Variants in TBC1D5 observed in about 807,000 individuals in gnomAD.
The protein encoded by TBC1D5 is TBC1 domain family, member 5.
In TBC1D5, 75 loss-of-function variants were observed where a neutral mutation model predicts 100.3. The ratio of observed to expected loss-of-function variants is 0.75; its 90% confidence interval spans 0.62 to 0.91. The LOEUF (loss-of-function observed/expected upper bound fraction) is 0.91. TBC1D5 is among the 40% of genes least tolerant of loss of function. The pLI is 0.00. For synonymous variants in TBC1D5, 323 were observed against 325.6 expected (o/e 0.99, Z 0.09); for missense variants, 910 against 942.4 (o/e 0.97, Z 0.45).
At chr3:17,308,606 T>C (rs1457215573) in intron 13 of TBC1D5, among the ~76,000 whole-genome samples, 1 of 152,202 alleles carries the variant, frequency 6.6e-6, no homozygotes, top group African/African-American at 2.4e-5. Flanking sequence ...ATCTCACTTC[T>C]ATTTAAAATA....
chr3:17,274,177 C>T (rs1358142970), intron 15 of TBC1D5, among the ~76,000 whole-genome samples: 1 of 152,096 alleles, frequency 6.6e-6, no homozygotes, highest in African/African-American at 2.4e-5. Flanking sequence ...GGTAAAAACA[C>T]ATTAAATCCT....
In TBC1D5 at chr3:17,272,246, C is replaced by G. The variant is rs928455262; in HGVS notation, c.1246-13655G>C. Among the ~76,000 whole-genome samples, 7 of 152,124 alleles carry G rather than the reference C, an allele frequency of 4.6e-5. No individual in the cohort carries two copies. The Middle Eastern group carries it at 0.01, about 222-fold the overall frequency. Reference sequence around the variant, plus strand: ...GAATCTTCAAACTTTATGTGTTATACAAGTATATAAAAAGCAATAGACAAT... The same window carrying G: ...GAATCTTCAAACTTTATGTGTTATAGAAGTATATAAAAAGCAATAGACAAT... On this transcript the variant is annotated intron_variant, in intron 15 of 21. Transcript: ENST00000253692.
chr3:17,402,700 T>C (rs73156385), intron 8 of TBC1D5, among the ~76,000 whole-genome samples: 14,914 of 152,122 alleles, frequency 0.098, 1,695 homozygotes, highest in African/African-American at 0.28. Flanking sequence ...TACCCTTTTA[T>C]ATAGTAAATA....
chr3:17,601,696 A>G (rs2060956353), intron 2 of TBC1D5, among the ~76,000 whole-genome samples: 2 of 152,314 alleles, frequency 1.3e-5, no homozygotes, highest in South Asian at 4.1e-4. Context: ...ATTTCATTTA[A>G]TTCCCATACA....
rs187123029 is a variant in TBC1D5 at position 17,590,372 on chromosome 3, T to C, written c.-36+33477A>G. Among the ~76,000 whole-genome samples the C allele has an allele frequency of 6.6e-5, 10 of 152,264 alleles. No homozygotes were observed. In the East Asian group the frequency reaches 1.3e-3, roughly 21 times the overall value. The stretch of plus-strand genomic sequence containing the variant: ...AAACAGGTTCTAGTGGTTTATTTGC[T>C]TGGTTGGCTGAAATACGGATTAAAA... On this transcript the variant is annotated intron_variant, in intron 2 of 21. Coordinates refer to ENST00000253692, the Ensembl canonical transcript of TBC1D5.
At chr3:17,174,608 T>TG (rs1553601804) in intron 19 of TBC1D5, among the ~76,000 whole-genome samples, 2 of 151,738 alleles carry the variant, frequency 1.3e-5, no homozygotes, top group East Asian at 1.9e-4. Flanking sequence ...TTGTTGTTGT[T>TG]TTTGAGACAG....
chr3:17,485,213 A>G (rs565406140), intron 3 of TBC1D5, among the ~76,000 whole-genome samples: 3 of 152,186 alleles, frequency 2.0e-5, no homozygotes, highest in African/African-American at 7.2e-5. Context: ...TCCTCTGTTT[A>G]TATGCCTGAA....
intron 13 of TBC1D5, among the ~76,000 whole-genome samples, chr3:17,342,872 C>T (rs1005776012): frequency 2.0e-4 from 31 of 152,046 alleles, no homozygotes; most frequent in African/African-American, 7.5e-4. Flanking sequence ...TATACTTTTC[C>T]CTTATATGTA....
At chr3:17,616,099 A>G (rs1038833404) in intron 2 of TBC1D5, among the ~76,000 whole-genome samples, 1 of 152,128 alleles carries the variant, frequency 6.6e-6, no homozygotes, top group East Asian at 1.9e-4. Flanking sequence ...CTTTGTTCTC[A>G]TTGGTTTCAA....
chr3:17,548,703 CT>C (rs2096443485), intron 2 of TBC1D5, among the ~76,000 whole-genome samples: 1 of 152,010 alleles, frequency 6.6e-6, no homozygotes, highest in African/African-American at 2.4e-5. Context: ...CAAAGAGTTG[CT>C]TTATGATTAA....
intron 2 of TBC1D5, among the ~76,000 whole-genome samples, chr3:17,568,697 A>T (rs2096607995): frequency 1.3e-5 from 2 of 151,616 alleles, no homozygotes; most frequent in Admixed American, 1.3e-4. Flanking sequence ...ATTCATTACT[A>T]TTGTTCTAGG....
At chr3:17,227,726 T>TA (rs1020071228) in intron 17 of TBC1D5, among the ~76,000 whole-genome samples, 4 of 150,184 alleles carry the variant, frequency 2.7e-5, no homozygotes, top group South Asian at 2.1e-4. Context: ...AGGGAGAGAA[T>TA]AAAAAAAAAC....
chr3:17,169,256 A>C (rs574815907), intron 19 of TBC1D5, among the ~76,000 whole-genome samples: 1 of 152,374 alleles, frequency 6.6e-6, no homozygotes, highest in East Asian at 1.9e-4. Context: ...TAGCCCTCAG[A>C]ATAATGCCTG....
intron 3 of TBC1D5, among the ~76,000 whole-genome samples, chr3:17,464,110 C>A (rs772131780): frequency 9.9e-5 from 15 of 152,082 alleles, no homozygotes; most frequent in Non-Finnish European, 1.6e-4. Flanking sequence ...CGCCAACACA[C>A]CCCGTTAATT....
chr3:17,693,188 T>C (rs1351045665), intron 1 of TBC1D5, among the ~76,000 whole-genome samples: 3 of 152,214 alleles, frequency 2.0e-5, no homozygotes, highest in Non-Finnish European at 4.4e-5. Flanking sequence ...GGGTGATATC[T>C]GCATTTCCAA....
At chr3:17,699,538 TATA>T (rs975649848) in intron 1 of TBC1D5, among the ~76,000 whole-genome samples, 7 of 98,970 alleles carry the variant, frequency 7.1e-5, no homozygotes, top group African/African-American at 1.7e-4. Context: ...AAACTTAAAG[TATA>T]ATAATAATAA....
chr3:17,742,260 G>A (rs1339390310), upstream of TBC1D5, among the ~76,000 whole-genome samples: 1 of 152,164 alleles, frequency 6.6e-6, no homozygotes, highest in East Asian at 1.9e-4. Context: ...GGGGGGCGGT[G>A]CGGCAACCCG....
At chr3:17,606,390 C>A (rs2061336120) in intron 2 of TBC1D5, among the ~76,000 whole-genome samples, 1 of 152,124 alleles carries the variant, frequency 6.6e-6, no homozygotes, top group Non-Finnish European at 1.5e-5. Flanking sequence ...TGCGAGGCTG[C>A]AGTGAGCGGT....
At chr3:17,255,548 A>G (rs1157390428) in intron 16 of TBC1D5, among the ~76,000 whole-genome samples, 1 of 152,052 alleles carries the variant, frequency 6.6e-6, no homozygotes, top group Non-Finnish European at 1.5e-5. Flanking sequence ...TACATTAATG[A>G]TATTATATTT....
Sources: allele counts gnomAD v4.1 joint callset (sites outside exome capture counted in the v4.1 genomes callset), GRCh38; gene constraint gnomAD v4.1.1; transcripts MANE v1.5; gene names NCBI Gene and HGNC (gene_info 2026-07-23, HGNC 2026-07-21).